WDR3: variants seen among roughly 807,000 people sequenced by gnomAD.
WDR3 encodes WD repeat-containing protein 3.
A neutral mutation model predicts 123.7 loss-of-function variants in WDR3; 81 were observed. The observed-to-expected ratio is 0.65, with a 90% CI of 0.55 to 0.79. The LOEUF is 0.79. Ranked by LOEUF, WDR3 falls within the 30% of genes least tolerant of loss-of-function variation. The pLI is 0.00. For missense variants in WDR3, 1,027 were observed against 1,123.2 expected (o/e 0.91, Z 1.22); for synonymous variants, 390 against 388.8 (o/e 1.00, Z -0.04).
chr1:117,935,682 A>G (rs1424118202), intron 3 of WDR3, among the ~76,000 whole-genome samples: 2 of 152,018 alleles, frequency 1.3e-5, no homozygotes, highest in African/African-American at 2.4e-5. Context: ...AGACTTAACT[A>G]TTAAAAAATA....
At chr1:117,946,898 A>G (rs979702964) in intron 12 of WDR3, among the ~76,000 whole-genome samples, 37 of 141,166 alleles carry the variant, frequency 2.6e-4, no homozygotes, top group Middle Eastern at 3.7e-3. Context: ...CCGAGATAGT[A>G]CCACTGCACT....
intron 23 of WDR3, 21 bp from the exon 24 acceptor site, chr1:117,955,294 G>A: frequency 6.2e-7 from 1 of 1,607,592 alleles, no homozygotes. Context: ...ATCACTAATG[G>A]TATTAATCCT....
At chr1:117,949,498 A>C (rs1179148065) in intron 13 of WDR3, among the ~76,000 whole-genome samples, 2 of 152,164 alleles carry the variant, frequency 1.3e-5, no homozygotes, top group East Asian at 3.8e-4. Context: ...TCTTGATGCT[A>C]GATAATAGTA....
chr1:117,942,889 GTTTTT>G (rs751258995), intron 10 of WDR3, among the ~76,000 whole-genome samples: 1 of 116,754 alleles, frequency 8.6e-6, no homozygotes, highest in African/African-American at 3.1e-5. Context: ...TCTGAGCCTA[GTTTTT>G]TTTTTTTTTT....
At chr1:117,936,241 CAT>C (rs978690574) in intron 3 of WDR3, among the ~76,000 whole-genome samples, 7 of 152,018 alleles carry the variant, frequency 4.6e-5, no homozygotes, top group African/African-American at 1.7e-4. Flanking sequence ...TAAAAATAAA[CAT>C]ATCATATAAC....
chr1:117,940,976 G>T, intron 7 of WDR3, 36 bp downstream of exon 7: 2 of 1,593,058 alleles, frequency 1.3e-6, no homozygotes, highest in South Asian at 2.3e-5. Context: ...TAATTGTGTT[G>T]AATAATGGGA....
chr1:117,950,431 C>A (rs1209429498), intron 15 of WDR3, among the ~76,000 whole-genome samples: 2 of 152,246 alleles, frequency 1.3e-5, no homozygotes, highest in East Asian at 3.9e-4. Context: ...GCAGTGATTT[C>A]ACACTTGGCT....
At chr1:117,959,224 T>G in intron 26 of WDR3, 68 bp from the exon 27 acceptor site, 1 of 1,540,626 alleles carries the variant, frequency 6.5e-7, no homozygotes, top group African/African-American at 1.4e-5. Flanking sequence ...TTACCCTAAC[T>G]CTCATACGCT....
chr1:117,934,564 C>T lies in WDR3; in HGVS notation c.263C>T (p.Ser88Leu), dbSNP rs541382220. 2.5e-6 allele frequency: 4 copies of T among 1,614,120 alleles called. No homozygotes were observed. The East Asian group carries it at 6.7e-5, about 27-fold the overall frequency. ...LHLAVGYEDG[S>L]IRIFSLLSGE... ...TTAGCTGTTGGGTATGAGGATGGGT[C>T]GATCCGAATCTTCAGTCTCCTGAGT... Residue 88 changes from serine (S) to leucine (L), a missense_variant, in exon 3 of 27, where the codon TCG (serine) becomes TTG (leucine). By Grantham distance (145) the Ser-to-Leu change is moderately radical (BLOSUM62 -2). Transcript: ENST00000349139.
rs1400980779 is a variant in WDR3, at chr1:117,942,898, T to TG, written c.1097+354_1097+355insG. Among the ~76,000 whole-genome samples, 25 of 146,580 alleles carry TG rather than the reference T, an allele frequency of 1.7e-4. No individual in the cohort carries two copies. In the East Asian group the frequency reaches 4.5e-3, roughly 26 times the overall value. ...CCAGGATCTGAGCCTAGTTTTTTTT[T>TG]TTTTTTTTTTTTTTTACTTAAAAGC... is the stretch of plus-strand genomic sequence containing the variant. On this transcript the variant is annotated intron_variant, in intron 10 of 26. Transcript: ENST00000349139.
At chr1:117,931,394 A>AT (rs1173125020) in intron 1 of WDR3, among the ~76,000 whole-genome samples, 4 of 152,184 alleles carry the variant, frequency 2.6e-5, no homozygotes, top group African/African-American at 9.7e-5. Flanking sequence ...CTATAATAAT[A>AT]TTTTTTTATT....
rs1202077266 is a variant in WDR3 at position 117,963,693 on chromosome 1, G to A, written c.*4246G>A. ...CAAATATTTTCATTCATTCAGGCCA[G>A]GTGGCTTATAGGTTTCTGACTATAA... On this transcript the variant is annotated 3_prime_UTR_variant, in exon 27 of 27. Transcript: ENST00000349139. 3.8e-6 allele frequency: 4 copies of A among 1,050,964 alleles called. No individual in the cohort carries two copies. Among genetic ancestry groups the A allele is most frequent in the Admixed American group, 2.7e-5 (1 of 36,618 alleles). The allele number at this position is 1,050,964 out of a possible 1,614,324, so 65.1% of individuals were successfully genotyped here.
chr1:117,943,557 CTT>C lies in WDR3; in HGVS notation c.1261_1262del (p.Leu421ValfsTer15). 1 of 1,614,098 alleles carries C rather than the reference CTT, an allele frequency of 6.2e-7. No homozygotes were observed. The highest frequency in any genetic ancestry group is 8.5e-7 in the Non-Finnish European group (1 of 1,180,014). On this transcript the variant is annotated frameshift_variant, in exon 11 of 27. Coordinates refer to ENST00000349139, the MANE Select transcript of WDR3 (RefSeq NM_006784.3). LOFTEE classifies it high-confidence loss of function. Reference sequence around the variant, plus strand: ...GGGGGTCATCGCAGTGATGTGCGGACTTTGTCATTCAGCTCAGACAATATTGC... The same window carrying C: ...GGGGGTCATCGCAGTGATGTGCGGACTGTCATTCAGCTCAGACAATATTGC...
intron 16 of WDR3, 88 bp from the exon 17 acceptor site, chr1:117,951,888 A>G (rs1005252278): frequency 7.9e-6 from 10 of 1,272,604 alleles, no homozygotes; most frequent in Non-Finnish European, 9.9e-6. Flanking sequence ...AATGTGTTTG[A>G]AAGAAATGGG....
chr1:117,963,046 T>G lies in WDR3; in HGVS notation c.*3599T>G, dbSNP rs1027408197. The G allele has an allele frequency of 1.3e-5, 2 of 152,246 alleles. No individual in the cohort carries two copies. The highest frequency in any genetic ancestry group is 6.5e-5 in the Admixed American group (1 of 15,284). 9.4% of individuals were successfully genotyped at this position (152,246 alleles called of 1,614,324 possible). A position where few individuals can be genotyped will look rare whatever the true frequency, so the allele number is the denominator to read the frequency against. Reference sequence around the variant, plus strand: ...TTCTTAAAGGTAGTATCACCATATATTCAAGTCCTTTCTCTTTATTTCTGA... The same window carrying G: ...TTCTTAAAGGTAGTATCACCATATAGTCAAGTCCTTTCTCTTTATTTCTGA... On this transcript the variant is annotated 3_prime_UTR_variant, in exon 27 of 27. Transcript: ENST00000349139.
At chr1:117,949,968 T>G (rs1211171493) in intron 14 of WDR3, 27 bp from the exon 15 acceptor site, 2 of 1,613,506 alleles carry the variant, frequency 1.2e-6, no homozygotes, top group Non-Finnish European at 1.7e-6. Context: ...CTCATTTATT[T>G]TTTCTTGATG....
At position 117,955,329 on chromosome 1, in the gene WDR3, A is replaced by G. The variant is rs1161808709; in HGVS notation, c.2424A>G (p.Val808=). 1.2e-6 allele frequency: 2 copies of G among 1,612,474 alleles called. No individual in the cohort carries two copies. Among genetic ancestry groups the G allele is most frequent in the South Asian group, 1.1e-5 (1 of 90,904 alleles). The change falls in exon 24 of 27, where the codon GTA becomes GTG. Residue 808 remains valine, a synonymous_variant. Coordinates refer to ENST00000349139, the MANE Select transcript of WDR3 (RefSeq NM_006784.3). Reference sequence around the variant, plus strand: ...TTCCTTTATAGCCTTCAGCTTATGTATTAGAGATTTTTAAAGGGATCAAGT... The same window carrying G: ...TTCCTTTATAGCCTTCAGCTTATGTGTTAGAGATTTTTAAAGGGATCAAGT... The part of the protein sequence containing the change: ...AYGSISPSAY[V]LEIFKGIKSS...
At chr1:117,937,861 T>G (rs1651000807) in intron 4 of WDR3, among the ~76,000 whole-genome samples, 2 of 152,174 alleles carry the variant, frequency 1.3e-5, no homozygotes, top group Admixed American at 1.3e-4. Flanking sequence ...TTGAGACTGC[T>G]GCCAATGAGC....
In WDR3 at chr1:117,963,629, G is replaced by A. The variant is rs1653411487; in HGVS notation, c.*4182G>A. 1 of 492,922 alleles carries A rather than the reference G, an allele frequency of 2.0e-6. No individual in the cohort carries two copies. The highest frequency in any genetic ancestry group is 3.3e-5 in the South Asian group (1 of 30,320). 30.5% of individuals were successfully genotyped at this position (492,922 alleles called of 1,614,324 possible). A position where few individuals can be genotyped will look rare whatever the true frequency, so the allele number is the denominator to read the frequency against. ...TCCACCCACCTCGGCCTCCCAAAGT[G>A]CTGGGATTACAGGTGTGAGCCACCG... On this transcript the variant is annotated 3_prime_UTR_variant, in exon 27 of 27. Coordinates refer to ENST00000349139, the MANE Select transcript of WDR3 (RefSeq NM_006784.3).
Sources: allele counts gnomAD v4.1 joint callset (sites outside exome capture counted in the v4.1 genomes callset), GRCh38; gene constraint gnomAD v4.1.1; transcripts MANE v1.5; gene names NCBI Gene and HGNC (gene_info 2026-07-23, HGNC 2026-07-21).